Variants in FAT1 observed in about 807,000 individuals in gnomAD.
The protein encoded by FAT1 is protocadherin Fat 1.
A neutral mutation model predicts 329.8 loss-of-function variants in FAT1; 171 were observed. The observed-to-expected ratio is 0.52, with a 90% CI of 0.46 to 0.59. FAT1 has a LOEUF of 0.59. FAT1 is among the 20% of genes least tolerant of loss of function. FAT1 has a pLI of 0.00. For missense variants in FAT1, 5,672 were observed against 5,774.4 expected (o/e 0.98, Z 0.57); for synonymous variants, 2,233 against 2,228.6 (o/e 1.00, Z -0.06).
chr4:186,675,841 C>T (rs1230831911), intron 2 of FAT1, among the ~76,000 whole-genome samples: 1 of 151,002 alleles, frequency 6.6e-6, no homozygotes, highest in Non-Finnish European at 1.5e-5. Flanking sequence ...TTTTTAAAAG[C>T]TGTACCTTAT....
At chr4:186,592,687 C>T (rs1485222328) in intron 26 of FAT1, 1 of 456,728 alleles carries the variant, frequency 2.2e-6, no homozygotes, top group South Asian at 1.5e-5. Flanking sequence ...GCACTTACAA[C>T]TGTACCTTCT....
chr4:186,627,961 C>T (rs548305942), intron 9 of FAT1, among the ~76,000 whole-genome samples, 193 bp downstream of exon 9: 1 of 151,650 alleles, frequency 6.6e-6, no homozygotes, highest in South Asian at 2.1e-4. Flanking sequence ...TTCCCCCAAA[C>T]TCTCTGATGG....
chr4:186,601,507 G>A, intron 20 of FAT1, 81 bp from the exon 21 acceptor site: 1 of 1,141,830 alleles, frequency 8.8e-7, no homozygotes, highest in South Asian at 1.6e-5. Flanking sequence ...TGCACCCCTT[G>A]AGACTGATTT....
At position 186,606,084 on chromosome 4, in the gene FAT1, T is replaced by C. The variant is rs1355962295; in HGVS notation, c.10336A>G (p.Ser3446Gly). 2.5e-6 allele frequency: 4 copies of C among 1,613,048 alleles called. No individual in the cohort carries two copies. The highest frequency in any genetic ancestry group is 2.7e-5 in the African/African-American group (2 of 74,920). The change falls in exon 17 of 27, where the codon AGT becomes GGT. Residue 3446 changes from serine (S) to glycine (G), a missense_variant. Ser to Gly is a moderately conservative substitution (Grantham distance 56, BLOSUM62 0). Transcript: ENST00000441802. ...TCGAAGCCCACCTGGATAATGACAC[T>C]GTAGTTTCCCCTGGAGAAGACGGGC... ...NAPVFSRGNY[S>G]VIIQENKPVG...
intron 2 of FAT1, among the ~76,000 whole-genome samples, chr4:186,685,149 G>T (rs1432090432): frequency 3.3e-5 from 5 of 152,156 alleles, no homozygotes; most frequent in African/African-American, 1.2e-4. Flanking sequence ...GACAGGAAGG[G>T]CACTCCAAGG....
intron 9 of FAT1, among the ~76,000 whole-genome samples, chr4:186,627,607 G>C (rs931122214): frequency 3.9e-5 from 6 of 152,210 alleles, no homozygotes; most frequent in Non-Finnish European, 5.9e-5. Flanking sequence ...AATTCCATGA[G>C]GGAAATCCAC....
chr4:186,618,973 T>G lies in FAT1; in HGVS notation c.7613A>C (p.Asp2538Ala), dbSNP rs1248041572. ...TCCTCTCTCATTTATGTAAAATCTGTCTTTGGCAAAGTCATTTACAATATG... is the reference window on the plus strand; with the variant it reads ...TCCTCTCTCATTTATGTAAAATCTGGCTTTGGCAAAGTCATTTACAATATG... The part of the protein sequence containing the change: ...TYHIVNDFAK[D>A]RFYINERGQI... Residue 2538 changes from aspartate to alanine, a missense_variant, in exon 10 of 27, where the codon GAC (aspartate) becomes GCC (alanine). Physicochemically the swap from Asp to Ala is moderately radical, Grantham distance 126. Around this residue, in one of 2 missense-constraint regions of FAT1, gnomAD observed 3,966 missense variants for 3,915.2 expected, o/e 1.01. Coordinates refer to ENST00000441802, the MANE Select transcript of FAT1 (RefSeq NM_005245.4). 4 of 1,613,996 alleles carry G rather than the reference T, an allele frequency of 2.5e-6. No individual in the cohort carries two copies. The highest frequency in any genetic ancestry group is 3.4e-6 in the Non-Finnish European group (4 of 1,179,896).
intron 2 of FAT1, among the ~76,000 whole-genome samples, chr4:186,674,528 TCCAC>T (rs1267474280): frequency 2.0e-5 from 3 of 152,020 alleles, no homozygotes; most frequent in African/African-American, 7.3e-5. Flanking sequence ...AGGCAACACA[TCCAC>T]CAAGGTGGAC....
At position 186,613,102 on chromosome 4, in the gene FAT1, G is replaced by A. The variant is rs371214947; in HGVS notation, c.9463+7C>T. On this transcript the variant is annotated splice_region_variant and intron_variant, in intron 13 of 26. Transcript: ENST00000441802. ...CAGCGTCAGGCAAGAGCATTCCCGG[G>A]AGATACCTGCGTCGGCATCTGTGGC... is the stretch of plus-strand genomic sequence containing the variant. 6.3e-5 allele frequency: 100 copies of A among 1,593,592 alleles called. 1 individual carries two copies. The African/African-American group carries it at 1.3e-3, about 20-fold the overall frequency.
At chr4:186,598,217 G>T in intron 22 of FAT1, 92 bp from the exon 23 acceptor site, 2 of 1,248,704 alleles carry the variant, frequency 1.6e-6, no homozygotes, top group Non-Finnish European at 2.1e-6. Context: ...TATTCTCCGA[G>T]GTCTGTAAAA....
chr4:186,605,851 A>C (rs1010375136), intron 17 of FAT1, among the ~76,000 whole-genome samples: 1 of 152,168 alleles, frequency 6.6e-6, no homozygotes, highest in Non-Finnish European at 1.5e-5. Flanking sequence ...ATCCTAGAAC[A>C]GTGAGAATAT....
chr4:186,690,753 G>A (rs907584805), intron 2 of FAT1, among the ~76,000 whole-genome samples: 4 of 152,016 alleles, frequency 2.6e-5, no homozygotes, highest in African/African-American at 9.7e-5. Flanking sequence ...TAAGGCAGTT[G>A]AACTCTACAT....
rs576341734 is a variant in FAT1, at chr4:186,668,620, G to A, written c.3266-5007C>T. 3.9e-5 allele frequency among the ~76,000 whole-genome samples: 6 copies of A among 152,278 alleles called. No homozygotes were observed. In the South Asian group the frequency reaches 8.3e-4, roughly 21 times the overall value. ...ACACCAGCTGTCTCCAAGTATGACC[G>A]AAGCTGCCTTTACTCATTAAGTCAT... On this transcript the variant is annotated intron_variant, in intron 2 of 26. Transcript: ENST00000441802.
At chr4:186,689,908 G>A (rs567252999) in intron 2 of FAT1, among the ~76,000 whole-genome samples, 39 of 152,186 alleles carry the variant, frequency 2.6e-4, no homozygotes, top group African/African-American at 4.1e-4. Context: ...AAAGACTACC[G>A]CACTCACAAG....
chr4:186,659,792 C>T (rs1346413961), intron 3 of FAT1, among the ~76,000 whole-genome samples: 1 of 149,402 alleles, frequency 6.7e-6, no homozygotes, highest in Admixed American at 6.7e-5. Flanking sequence ...ACACACAATC[C>T]GGCTGTGGCA....
rs1744680965 is a variant in FAT1, at chr4:186,707,381, T to C, written c.2447A>G (p.Asn816Ser). The stretch of plus-strand genomic sequence containing the variant: ...CTGTAAAAACTCGGGTGGATTATCA[T>C]TGGCATCGACAACCACGACATGTAG... ...RLLHVVVVDANDNPPEFLQES... is the reference protein window; with the variant it reads ...RLLHVVVVDASDNPPEFLQES... The change falls in exon 2 of 27, where the codon AAT (asparagine) becomes AGT (serine). Residue 816 changes from asparagine (N) to serine (S), a missense_variant. This residue lies in a region of FAT1 where 3,966 missense variants were observed against 3,915.2 expected (regional missense o/e 1.01). Coordinates refer to ENST00000441802, the MANE Select transcript of FAT1 (RefSeq NM_005245.4). 5 of 1,614,000 alleles carry C rather than the reference T, an allele frequency of 3.1e-6. No homozygotes were observed. Among genetic ancestry groups the C allele is most frequent in the Non-Finnish European group, 4.2e-6 (5 of 1,179,890 alleles).
chr4:186,715,778 C>T (rs1365255375), intron 1 of FAT1, among the ~76,000 whole-genome samples: 1 of 152,204 alleles, frequency 6.6e-6, no homozygotes, highest in Non-Finnish European at 1.5e-5. Flanking sequence ...GAAGCCAAAA[C>T]AAAGAGTGTT....
At chr4:186,649,138 G>A (rs1279974310) in intron 3 of FAT1, among the ~76,000 whole-genome samples, 1 of 151,992 alleles carries the variant, frequency 6.6e-6, no homozygotes, top group Non-Finnish European at 1.5e-5. Context: ...GGCCGGGAGA[G>A]CCCACCTGAA....
At chr4:186,714,538 C>T (rs536208939) in intron 1 of FAT1, among the ~76,000 whole-genome samples, 37 of 151,912 alleles carry the variant, frequency 2.4e-4, no homozygotes, top group East Asian at 7.8e-4. Context: ...ATATGAAAGA[C>T]GGTATTTAAA....
Sources: gnomAD v4.1 joint callset for allele counts (sites outside exome capture counted in the v4.1 genomes callset) on GRCh38, gnomAD v4.1.1 for gene constraint, gnomAD v4.1.1 regional missense constraint, MANE v1.5 for transcripts, NCBI Gene and HGNC (gene_info 2026-07-23, HGNC 2026-07-21) for gene names.